Variants in LY96 observed in about 807,000 individuals in gnomAD.
LY96 encodes lymphocyte antigen 96.
LY96 carries 18 observed loss-of-function variants against 18.9 expected under a neutral mutation model. That is an observed-to-expected ratio of 0.95 (90% confidence interval 0.66 to 1.41). The LOEUF is 1.41. LY96 is among the 40% of genes most tolerant of loss of function. The pLI is 0.00. For synonymous variants in LY96, 66 were observed against 62.6 expected, an observed-to-expected ratio of 1.06 and a Z score of -0.26; for missense variants, 175 against 182.4, an observed-to-expected ratio of 0.96 and a Z score of 0.23.
chr8:74,088,490 C>A, the LY96 span, among the ~76,000 whole-genome samples: 4 of 152,186 alleles, frequency 2.6e-5, no homozygotes, highest in African/African-American at 9.7e-5. Flanking sequence ...CCCCAAGCAT[C>A]CACCCTTCTG....
the LY96 span, among the ~76,000 whole-genome samples, chr8:74,040,031 G>C: frequency 1.3e-5 from 2 of 152,170 alleles, no homozygotes. Context: ...TGACCAAGGA[G>C]CCCTCAAGCG....
chr8:74,033,311 G>A (rs1817000360), downstream of LY96, among the ~76,000 whole-genome samples: 1 of 152,114 alleles, frequency 6.6e-6, no homozygotes, highest in Admixed American at 6.5e-5. Flanking sequence ...TAAAACAAAG[G>A]CCTTTAAAAC....
At chr8:74,077,109 A>G in the LY96 span, among the ~76,000 whole-genome samples, 1 of 152,224 alleles carries the variant, frequency 6.6e-6, no homozygotes, top group South Asian at 2.1e-4. Flanking sequence ...ATAGGGCAAC[A>G]TATGGGGCCA....
chr8:74,009,108 C>T (rs1816474070), intron 2 of LY96, among the ~76,000 whole-genome samples: 2 of 151,860 alleles, frequency 1.3e-5, no homozygotes, highest in African/African-American at 4.8e-5. Context: ...GATTGTGCAT[C>T]TTTTTTGGCC....
the LY96 span, among the ~76,000 whole-genome samples, chr8:74,040,357 A>G: frequency 6.6e-6 from 1 of 151,968 alleles, no homozygotes; most frequent in African/African-American, 2.4e-5. Context: ...CTATTTGTCC[A>G]TTTTTGGTTT....
the LY96 span, among the ~76,000 whole-genome samples, chr8:74,084,804 G>A: frequency 6.6e-6 from 1 of 152,196 alleles, no homozygotes; most frequent in South Asian, 2.1e-4. Flanking sequence ...TAGTAGAGAT[G>A]GGGTTTCACC....
chr8:74,055,047 A>G, the LY96 span, among the ~76,000 whole-genome samples: 1 of 152,000 alleles, frequency 6.6e-6, no homozygotes, highest in African/African-American at 2.4e-5. Flanking sequence ...AGCTGGCACT[A>G]CAGGCCAGCA....
At chr8:74,089,014 A>AG in the LY96 span, among the ~76,000 whole-genome samples, 2 of 152,004 alleles carry the variant, frequency 1.3e-5, no homozygotes, top group Non-Finnish European at 2.9e-5. Context: ...GCCTGGTGAG[A>AG]GGGGGAGATG....
the LY96 span, among the ~76,000 whole-genome samples, chr8:74,084,065 C>A: frequency 6.6e-6 from 1 of 150,868 alleles, no homozygotes; most frequent in Non-Finnish European, 1.5e-5. Flanking sequence ...GTTGAAGAAA[C>A]TGGATGTTTT....
chr8:74,096,372 C>T, the LY96 span, among the ~76,000 whole-genome samples: 1 of 152,162 alleles, frequency 6.6e-6, no homozygotes, highest in Non-Finnish European at 1.5e-5. Context: ...ACACCATGGC[C>T]TCTTTGCTGT....
chr8:74,082,252 CTCTT>C, the LY96 span, among the ~76,000 whole-genome samples: 4 of 152,176 alleles, frequency 2.6e-5, no homozygotes, highest in Admixed American at 6.5e-5. Context: ...CAGTGAGTGA[CTCTT>C]TCTTTATCTT....
chr8:74,049,565 T>C, the LY96 span, among the ~76,000 whole-genome samples: 2 of 152,030 alleles, frequency 1.3e-5, no homozygotes, highest in African/African-American at 4.8e-5. Flanking sequence ...AGGAAATAAG[T>C]GCAAAAAGAA....
chr8:74,072,601 G>A, the LY96 span, among the ~76,000 whole-genome samples: 1 of 152,168 alleles, frequency 6.6e-6, no homozygotes, highest in Non-Finnish European at 1.5e-5. Context: ...AGGCTAAGGA[G>A]GCAGATATGC....
chr8:74,061,400 G>C, the LY96 span, among the ~76,000 whole-genome samples: 1 of 152,220 alleles, frequency 6.6e-6, no homozygotes, highest in African/African-American at 2.4e-5. Context: ...GACACCAGAT[G>C]TTCACTTTGA....
chr8:74,087,391 C>T, the LY96 span, among the ~76,000 whole-genome samples: 5 of 152,148 alleles, frequency 3.3e-5, no homozygotes, highest in Non-Finnish European at 7.3e-5. Flanking sequence ...GTTTAAGAAC[C>T]AGTGTCATTA....
chr8:74,099,219 G>A, the LY96 span, among the ~76,000 whole-genome samples: 3 of 152,168 alleles, frequency 2.0e-5, no homozygotes, highest in African/African-American at 7.2e-5. Context: ...ACCTTCTCTT[G>A]GCCATGGCAA....
At chr8:74,063,107 T>C in the LY96 span, among the ~76,000 whole-genome samples, 32 of 152,176 alleles carry the variant, frequency 2.1e-4, no homozygotes, top group African/African-American at 6.3e-4. Flanking sequence ...TGGAATCTGC[T>C]TCCAAGATGG....
chr8:74,029,941 C>T (rs770405934), downstream of LY96, among the ~76,000 whole-genome samples: 10 of 152,174 alleles, frequency 6.6e-5, no homozygotes, highest in South Asian at 2.1e-4. Context: ...TGAGCCACTG[C>T]GCCCAACCTA....
chr8:73,992,651 G>A (rs1370736479), intron 1 of LY96, among the ~76,000 whole-genome samples: 1 of 152,114 alleles, frequency 6.6e-6, no homozygotes, highest in African/African-American at 2.4e-5. Context: ...TAGGAGTGTG[G>A]CCAGTCACAC....
Sources: gnomAD v4.1 joint callset for allele counts (sites outside exome capture counted in the v4.1 genomes callset) on GRCh38, gnomAD v4.1.1 for gene constraint, MANE v1.5 for transcripts, NCBI Gene and HGNC (gene_info 2026-07-23, HGNC 2026-07-21) for gene names.